FER: variants seen among roughly 807,000 people sequenced by gnomAD.
FER encodes the protein FER tyrosine kinase, also known as tyrosine-protein kinase Fer.
Under a neutral mutation model 111.0 loss-of-function variants are expected in FER, and 63 were observed. The ratio of observed to expected loss-of-function variants is 0.57; its 90% confidence interval spans 0.46 to 0.70. The LOEUF (loss-of-function observed/expected upper bound fraction) is 0.70, where lower values mean the gene tolerates loss of function less well. FER is among the 30% of genes least tolerant of loss of function. FER has a pLI of 0.00. For synonymous variants in FER, 327 were observed against 313.9 expected, an observed-to-expected ratio of 1.04 and a Z score of -0.44; for missense variants, 914 against 954.0, an observed-to-expected ratio of 0.96 and a Z score of 0.55.
chr5:109,124,678 C>G (rs1751452458), intron 17 of FER, among the ~76,000 whole-genome samples: 1 of 152,036 alleles, frequency 6.6e-6, no homozygotes, highest in Non-Finnish European at 1.5e-5. Flanking sequence ...AACTGTGACT[C>G]TGGGCCAGTT....
chr5:108,789,425 C>A (rs1224973701), intron 2 of FER, among the ~76,000 whole-genome samples: 1 of 151,300 alleles, frequency 6.6e-6, no homozygotes, highest in African/African-American at 2.4e-5. Flanking sequence ...AAATACATTT[C>A]CCATTTGACT....
chr5:109,004,839 T>C (rs1484023177), intron 13 of FER, among the ~76,000 whole-genome samples: 2 of 152,190 alleles, frequency 1.3e-5, no homozygotes. Context: ...TCATTTGAAA[T>C]TTTGTGGTGG....
At chr5:109,045,027 T>C (rs1165901527) in intron 15 of FER, among the ~76,000 whole-genome samples, 1 of 152,070 alleles carries the variant, frequency 6.6e-6, no homozygotes, top group Non-Finnish European at 1.5e-5. Flanking sequence ...TGTTAAGATA[T>C]TTTGCTTTCA....
intron 13 of FER, among the ~76,000 whole-genome samples, chr5:108,963,283 C>T (rs955275607): frequency 1.3e-5 from 2 of 152,126 alleles, no homozygotes; most frequent in Non-Finnish European, 2.9e-5. Flanking sequence ...GTAGATTAGG[C>T]CAAGTGCAGT....
chr5:108,934,225 G>C (rs1755123802), intron 10 of FER, among the ~76,000 whole-genome samples: 1 of 152,086 alleles, frequency 6.6e-6, no homozygotes, highest in African/African-American at 2.4e-5. Context: ...AAGAGAGTAA[G>C]CAAAGAGTTA....
At chr5:109,162,564 A>G (rs1489791481) in intron 17 of FER, among the ~76,000 whole-genome samples, 5 of 152,124 alleles carry the variant, frequency 3.3e-5, no homozygotes, top group Middle Eastern at 3.2e-3. Context: ...CTGAACAAAA[A>G]TCCCACCAAG....
chr5:109,133,003 A>C (rs976616813), intron 17 of FER, among the ~76,000 whole-genome samples: 1 of 152,212 alleles, frequency 6.6e-6, no homozygotes, highest in Non-Finnish European at 1.5e-5. Flanking sequence ...CCTCATATGT[A>C]GTTTCCAAAA....
intron 13 of FER, among the ~76,000 whole-genome samples, chr5:109,020,150 T>C (rs980785568): frequency 6.6e-6 from 1 of 151,806 alleles, no homozygotes; most frequent in East Asian, 1.9e-4. Flanking sequence ...ATTAGAAATA[T>C]TCTTAAATTG....
chr5:108,918,785 C>T (rs1752625713), intron 10 of FER, among the ~76,000 whole-genome samples: 1 of 150,766 alleles, frequency 6.6e-6, no homozygotes, highest in Non-Finnish European at 1.5e-5. Flanking sequence ...CCGCGCCCCG[C>T]CTTGGACTGG....
chr5:108,967,055 C>G (rs1197150311), intron 13 of FER, among the ~76,000 whole-genome samples: 1 of 152,128 alleles, frequency 6.6e-6, no homozygotes, highest in African/African-American at 2.4e-5. Flanking sequence ...GCCAGTGATG[C>G]CCCCACCTAG....
chr5:108,903,510 CAA>C (rs1206011884), intron 10 of FER, among the ~76,000 whole-genome samples: 1 of 152,144 alleles, frequency 6.6e-6, no homozygotes, highest in African/African-American at 2.4e-5. Context: ...ACTAAAAATA[CAA>C]AGATTAGCCA....
At chr5:109,171,790 A>C (rs892743012) in intron 17 of FER, among the ~76,000 whole-genome samples, 2 of 152,126 alleles carry the variant, frequency 1.3e-5, no homozygotes, top group African/African-American at 4.8e-5. Flanking sequence ...CTTGTAGTGC[A>C]TTTTATTGTA....
chr5:109,165,344 G>C lies in FER; in HGVS notation c.2049-15403G>C, dbSNP rs529599789. On this transcript the variant is annotated intron_variant, in intron 17 of 19. Transcript: ENST00000281092. ...TAAATTAAATAGTTTCAATATGCCA[G>C]GTTTAAATTTTTCTTCTCTTTATAT... 2.6e-5 allele frequency among the ~76,000 whole-genome samples: 4 copies of C among 152,216 alleles called. No homozygotes were observed. In the East Asian group the frequency reaches 5.8e-4, roughly 22 times the overall value.
chr5:109,129,788 C>G (rs886142890), intron 17 of FER, among the ~76,000 whole-genome samples: 5 of 152,016 alleles, frequency 3.3e-5, no homozygotes, highest in African/African-American at 1.2e-4. Context: ...CCCTTTTACA[C>G]AGCAATTCAA....
intron 5 of FER, among the ~76,000 whole-genome samples, chr5:108,844,107 C>CATGTGAACACATAT (rs1761603962): frequency 1.1e-5 from 1 of 95,128 alleles, no homozygotes; most frequent in Non-Finnish European, 2.3e-5. Flanking sequence ...TGTGTGTGAA[C>CATGTGAACACATAT]ATGTGTGTGA....
rs138561603 is a variant in FER, at chr5:109,006,028, A to G, written c.1657-31394A>G. ...GTATTGATTAACTCAGATATACTAT[A>G]GGAACATATCATGATTTTGTTTATG... On this transcript the variant is annotated intron_variant, in intron 13 of 19. Transcript: ENST00000281092. Among the ~76,000 whole-genome samples the G allele has an allele frequency of 8.4e-3, 1,285 of 152,370 alleles. 14 individuals are homozygous for G. The highest frequency in any genetic ancestry group is 0.011 in the Non-Finnish European group (748 of 68,028).
chr5:108,861,858 A>G (rs891163729), intron 5 of FER, among the ~76,000 whole-genome samples: 1 of 152,204 alleles, frequency 6.6e-6, no homozygotes, highest in Non-Finnish European at 1.5e-5. Context: ...TGTATCCTGT[A>G]TAGCACCCTA....
chr5:109,043,273 T>C (rs1347251173), intron 14 of FER, among the ~76,000 whole-genome samples: 1 of 152,188 alleles, frequency 6.6e-6, no homozygotes, highest in Non-Finnish European at 1.5e-5. Context: ...TAATATCTTC[T>C]CTCAGCTCTA....
chr5:108,825,270 C>T (rs1365094176), intron 3 of FER, among the ~76,000 whole-genome samples: 6 of 152,154 alleles, frequency 3.9e-5, no homozygotes, highest in African/African-American at 1.4e-4. Context: ...GTTTATTTCA[C>T]CCCTGCAGTC....
Sources: allele counts gnomAD v4.1 joint callset (sites outside exome capture counted in the v4.1 genomes callset), GRCh38; gene constraint gnomAD v4.1.1; transcripts MANE v1.5; gene names NCBI Gene and HGNC (gene_info 2026-07-23, HGNC 2026-07-21).